The following PCDHA5 variants were observed in gnomAD, a reference collection of about 807,000 sequenced individuals.
The protein encoded by PCDHA5 is protocadherin alpha-5.
In PCDHA5, 43 loss-of-function variants were observed where a neutral mutation model predicts 61.6. The ratio of observed to expected loss-of-function variants is 0.70; its 90% CI spans 0.55 to 0.90. The LOEUF is 0.90. Ranked by LOEUF, PCDHA5 falls within the 40% of genes least tolerant of loss-of-function variation. PCDHA5 has a pLI of 0.00. For synonymous variants in PCDHA5, 627 were observed against 543.9 expected, an observed-to-expected ratio of 1.15 and a Z score of -2.13; for missense variants, 1,298 against 1,222.7, an observed-to-expected ratio of 1.06 and a Z score of -0.92.
chr5:140,870,675 C>G, intron 1 of PCDHA5: 1 of 1,612,672 alleles, frequency 6.2e-7, no homozygotes, highest in Non-Finnish European at 8.5e-7. Context: ...CGTTGGACCA[C>G]GAGGAGCTGG....
intron 1 of PCDHA5, among the ~76,000 whole-genome samples, chr5:140,911,441 T>C (rs2075476385): frequency 6.6e-6 from 1 of 152,154 alleles, no homozygotes. Context: ...TTTCCCGCAA[T>C]TTCAGCTCTT....
At chr5:140,983,783 G>A (rs2097068046) in intron 3 of PCDHA5, among the ~76,000 whole-genome samples, 1 of 152,130 alleles carries the variant, frequency 6.6e-6, no homozygotes, top group Non-Finnish European at 1.5e-5. Context: ...ATACATAACA[G>A]ATGACAGAAT....
chr5:140,943,804 G>C (rs996208541), intron 1 of PCDHA5, among the ~76,000 whole-genome samples: 2 of 152,224 alleles, frequency 1.3e-5, no homozygotes, highest in Non-Finnish European at 2.9e-5. Flanking sequence ...AGCAAAAGAG[G>C]AAAGTTTGAA....
intron 1 of PCDHA5, among the ~76,000 whole-genome samples, chr5:140,899,785 A>C (rs1460475621): frequency 6.6e-6 from 1 of 152,166 alleles, no homozygotes; most frequent in African/African-American, 2.4e-5. Flanking sequence ...CTCTGGTATA[A>C]TTCGGCTGTG....
intron 1 of PCDHA5, among the ~76,000 whole-genome samples, chr5:140,902,203 C>CTTTTTTTTTT (rs148688132): frequency 8.0e-6 from 1 of 124,460 alleles, no homozygotes; most frequent in Non-Finnish European, 1.7e-5. Flanking sequence ...CTCTCTCTTT[C>CTTTTTTTTTT]TTTTTTTTTT....
intron 1 of PCDHA5, chr5:140,967,964 G>T: frequency 6.2e-7 from 1 of 1,614,210 alleles, no homozygotes. Flanking sequence ...CAACCGGAAA[G>T]TGAGCCTGGG....
intron 1 of PCDHA5, among the ~76,000 whole-genome samples, chr5:140,962,961 T>C (rs1483172996): frequency 1.3e-5 from 2 of 152,148 alleles, no homozygotes; most frequent in African/African-American, 4.8e-5. Flanking sequence ...TCTATCCCTA[T>C]ATAGGAAATT....
Position 140,857,147 on chromosome 5 carries a change from G to A in PCDHA5, c.2352+33020G>A, listed in dbSNP as rs145115378. 1.4e-4 allele frequency: 222 copies of A among 1,598,286 alleles called. 15 individuals carry two copies. The African/African-American group carries it at 2.2e-3, about 15-fold the overall frequency. ...GAAAGAAGATGCTCAAGTGGGCACC[G>A]TCATTGCCCTAATCAGCGTTTCTGA... On this transcript the variant is annotated intron_variant, in intron 1 of 3. Coordinates refer to ENST00000529859, the MANE Select transcript of PCDHA5 (RefSeq NM_018908.3).
At chr5:140,889,169 G>A (rs2062128594) in intron 1 of PCDHA5, among the ~76,000 whole-genome samples, 1 of 151,182 alleles carries the variant, frequency 6.6e-6, no homozygotes, top group African/African-American at 2.4e-5. Flanking sequence ...AAGTATTCAA[G>A]TTATAAATAA....
At position 140,927,139 on chromosome 5, in the gene PCDHA5, C is replaced by G. The variant is rs782726149; in HGVS notation, c.2353-51810C>G. 6 of 1,613,928 alleles carry G rather than the reference C, an allele frequency of 3.7e-6. No homozygotes were observed. The Admixed American group carries it at 5.0e-5, about 13-fold the overall frequency. On this transcript the variant is annotated intron_variant, in intron 1 of 3. Coordinates refer to ENST00000529859, the MANE Select transcript of PCDHA5 (RefSeq NM_018908.3). Reference sequence around the variant, plus strand: ...TTTGGTGGTCAGAGAGCCGGCGGACCGCGAACAGCTGTGCAGGGCCAAAGC... The same window carrying G: ...TTTGGTGGTCAGAGAGCCGGCGGACGGCGAACAGCTGTGCAGGGCCAAAGC...
At chr5:140,922,430 A>G (rs574413053) in intron 1 of PCDHA5, among the ~76,000 whole-genome samples, 6 of 152,246 alleles carry the variant, frequency 3.9e-5, no homozygotes, top group Non-Finnish European at 7.3e-5. Context: ...GGCTGAGGGC[A>G]GAACTCTCTC....
intron 1 of PCDHA5, chr5:140,870,604 C>T (rs376574285): frequency 1.9e-6 from 3 of 1,613,134 alleles, no homozygotes; most frequent in African/African-American, 2.7e-5. Context: ...GTTGGGCGAC[C>T]GCGCGCTGTC....
chr5:140,838,474 T>C (rs1775747534), intron 1 of PCDHA5, among the ~76,000 whole-genome samples: 1 of 151,866 alleles, frequency 6.6e-6, no homozygotes, highest in Admixed American at 6.6e-5. Flanking sequence ...CGCTTATTCC[T>C]TGTTTTTGAT....
intron 1 of PCDHA5, chr5:140,969,200 G>C (rs2096305926): frequency 1.2e-6 from 2 of 1,614,132 alleles, no homozygotes; most frequent in Non-Finnish European, 1.7e-6. Flanking sequence ...TTACAATACA[G>C]GGGCCCAGAC....
chr5:140,836,831 A>G lies in PCDHA5; in HGVS notation c.2352+12704A>G, dbSNP rs927373808. 3.2e-6 allele frequency: 3 copies of G among 927,304 alleles called. No individual in the cohort carries two copies. In the African/African-American group the frequency reaches 5.0e-5, roughly 16 times the overall value. The allele number at this position is 927,304 out of a possible 1,614,324, so 57.4% of individuals were successfully genotyped here. ...TCTTTCATAATTTCTTTTTTAGTTG[A>G]TAGCTTTATGTATAATTATTATTTT... On this transcript the variant is annotated intron_variant, in intron 1 of 3. Coordinates refer to ENST00000529859, the MANE Select transcript of PCDHA5 (RefSeq NM_018908.3).
rs782516629 is a variant in PCDHA5, at chr5:140,876,277, C to G, written c.2352+52150C>G. 5 of 1,613,988 alleles carry G rather than the reference C, an allele frequency of 3.1e-6. No homozygotes were observed. The highest frequency in any genetic ancestry group is 2.2e-5 in the East Asian group (1 of 44,886). Reference sequence around the variant, plus strand: ...AGTGATCCAACTAAATGCTTCCGATCCAGACGAAGGACTTAATGGAGAAAT... The same window carrying G: ...AGTGATCCAACTAAATGCTTCCGATGCAGACGAAGGACTTAATGGAGAAAT... On this transcript the variant is annotated intron_variant, in intron 1 of 3. Transcript: ENST00000529859.
In PCDHA5 at chr5:140,902,185, T is replaced by TTC. The variant is rs370111655; in HGVS notation, c.2353-76750_2353-76749dup. On this transcript the variant is annotated intron_variant, in intron 1 of 3. Transcript: ENST00000529859. ...TTCTAATTTGGATGTCCTTTATGTC[T>TTC]TCTCTCTCTCTCTCTTTCTTTTTTT... Among the ~76,000 whole-genome samples the TTC allele has an allele frequency of 1.5e-3, 225 of 150,894 alleles. 1 individual carries two copies. The highest frequency in any genetic ancestry group is 2.6e-3 in the Admixed American group (40 of 15,130).
At chr5:140,871,596 C>A in intron 1 of PCDHA5, 1 of 1,453,960 alleles carries the variant, frequency 6.9e-7, no homozygotes. Context: ...TATGAATAAC[C>A]AGTGTTTTGA....
At position 141,011,317 on chromosome 5, in the gene PCDHA5, T is replaced by C. The variant is rs1554263417; in HGVS notation, c.*1380T>C. On this transcript the variant is annotated 3_prime_UTR_variant, in exon 4 of 4. Transcript: ENST00000529859. ...TAACACTCTGAATTGCTAATCTTAC[T>C]AACACCTATGATGTTACCTGAAATC... 1 of 153,818 alleles carries C rather than the reference T, an allele frequency of 6.5e-6. No homozygotes were observed. The highest frequency in any genetic ancestry group is 2.4e-5 in the African/African-American group (1 of 41,470). 9.5% of individuals were successfully genotyped at this position (153,818 alleles called of 1,614,324 possible).
Sources: gnomAD v4.1 joint callset for allele counts (sites outside exome capture counted in the v4.1 genomes callset) on GRCh38, gnomAD v4.1.1 for gene constraint, MANE v1.5 for transcripts, NCBI Gene and HGNC (gene_info 2026-07-23, HGNC 2026-07-21) for gene names.